KLK2: variants seen among roughly 807,000 people sequenced by gnomAD.
The protein encoded by KLK2 is kallikrein related peptidase 2, also known as kallikrein-2.
In KLK2, 17 loss-of-function variants were observed where a neutral mutation model predicts 23.0. The observed-to-expected ratio is 0.74, with a 90% CI of 0.51 to 1.11. The LOEUF (loss-of-function observed/expected upper bound fraction) is 1.11, where lower values mean the gene tolerates loss of function less well. Ranked by LOEUF, KLK2 falls within the 50% of genes least tolerant of loss-of-function variation. The pLI is 0.00. For synonymous variants in KLK2, 140 were observed against 124.7 expected, an observed-to-expected ratio of 1.12 and a Z score of -0.82; for missense variants, 330 against 325.9, an observed-to-expected ratio of 1.01 and a Z score of -0.10.
At position 50,880,460 on chromosome 19, in the gene KLK2, T is replaced by G. The variant is rs1159495163; in HGVS notation, c.*1901T>G. ...CCAGCTGATAGAGGAAGTAGCCAGGTGGGAGCCTTTCCCAGTGGGTGTGGG... is the reference window on the plus strand; with the variant it reads ...CCAGCTGATAGAGGAAGTAGCCAGGGGGGAGCCTTTCCCAGTGGGTGTGGG... On this transcript the variant is annotated 3_prime_UTR_variant, in exon 5 of 5. Coordinates refer to ENST00000325321, the MANE Select transcript of KLK2 (RefSeq NM_005551.5). The G allele has an allele frequency of 9.1e-6, 2 of 220,482 alleles. No homozygotes were observed. The highest frequency in any genetic ancestry group is 1.8e-5 in the Non-Finnish European group (2 of 110,070). The allele number at this position is 220,482 out of a possible 1,614,324, so 13.7% of individuals were successfully genotyped here.
In KLK2 at chr19:50,876,507, T is replaced by A; in HGVS notation, c.242T>A (p.Phe81Tyr). Residue 81 changes from phenylalanine to tyrosine, a missense_variant, in exon 3 of 5, where the codon TTT (phenylalanine) becomes TAT (tyrosine). Phe to Tyr is a conservative substitution (Grantham distance 22). Transcript: ENST00000325321. ...SQVWLGRHNL[F>Y]EPEDTGQRVP... ...GTCTGGCTGGGTCGGCACAACCTGT[T>A]TGAGCCTGAAGACACAGGCCAGAGG... 6.2e-7 allele frequency: 1 copy of A among 1,614,124 alleles called. No individual in the cohort carries two copies. Among genetic ancestry groups the A allele is most frequent in the Non-Finnish European group, 8.5e-7 (1 of 1,180,012 alleles).
Position 50,876,982 on chromosome 19 carries a change from T to TGGACA in KLK2, c.607_611dup (p.Gly205GlnfsTer89). 1 of 1,614,186 alleles carries TGGACA rather than the reference T, an allele frequency of 6.2e-7. No individual in the cohort carries two copies. On this transcript the variant is annotated frameshift_variant, in exon 4 of 5. Coordinates refer to ENST00000325321, the MANE Select transcript of KLK2 (RefSeq NM_005551.5). LOFTEE classifies it low-confidence loss of function (END_TRUNC). ...AGAGTTCATGTTGTGTGCTGGGCTC[T>TGGACA]GGACAGGTGGTAAAGACACTTGTGG...
intron 2 of KLK2, among the ~76,000 whole-genome samples, chr19:50,875,477 G>A (rs761447166): frequency 4.9e-4 from 75 of 152,204 alleles, no homozygotes; most frequent in Non-Finnish European, 7.1e-4. Context: ...CAATTGAGGA[G>A]GGAGGAAGGA....
chr19:50,876,253 T>C lies in KLK2; in HGVS notation c.207-219T>C, dbSNP rs1235157309. Reference sequence around the variant, plus strand: ...CTCTGCCATTTTATGCTCTCTCTTTTCCACTTCGTTTCTTTCAGTTTCTGT... The same window carrying C: ...CTCTGCCATTTTATGCTCTCTCTTTCCCACTTCGTTTCTTTCAGTTTCTGT... On this transcript the variant is annotated intron_variant, in intron 2 of 4. Coordinates refer to ENST00000325321, the MANE Select transcript of KLK2 (RefSeq NM_005551.5). 1.4e-4 allele frequency: 85 copies of C among 586,570 alleles called. No homozygotes were observed. In the South Asian group the frequency reaches 1.7e-3, roughly 12 times the overall value. The allele number at this position is 586,570 out of a possible 1,614,324, so 36.3% of individuals were successfully genotyped here. A position where few individuals can be genotyped will look rare whatever the true frequency, so the allele number is the denominator to read the frequency against.
chr19:50,873,746 C>T (rs1230147035), intron 1 of KLK2: 6 of 536,546 alleles, frequency 1.1e-5, no homozygotes, highest in African/African-American at 2.0e-5. Context: ...TCCCTGCTCC[C>T]AGCTGCTTTA....
At position 50,880,441 on chromosome 19, in the gene KLK2, G is replaced by C. The variant is rs2090332638; in HGVS notation, c.*1882G>C. On this transcript the variant is annotated 3_prime_UTR_variant, in exon 5 of 5. Transcript: ENST00000325321. ...CTTGTGGAATGCAGCTGACCCAGCT[G>C]ATAGAGGAAGTAGCCAGGTGGGAGC... The C allele has an allele frequency of 4.5e-6, 1 of 220,970 alleles. No homozygotes were observed. The highest frequency in any genetic ancestry group is 2.2e-5 in the African/African-American group (1 of 44,656). 13.7% of individuals were successfully genotyped at this position (220,970 alleles called of 1,614,324 possible).
Position 50,878,630 on chromosome 19 carries a change from T to A in KLK2, c.*71T>A, listed in dbSNP as rs771653557. The A allele has an allele frequency of 5.5e-6, 8 of 1,462,802 alleles. No individual in the cohort carries two copies. The highest frequency in any genetic ancestry group is 7.5e-6 in the Non-Finnish European group (8 of 1,059,604). 90.6% of individuals were successfully genotyped at this position (1,462,802 alleles called of 1,614,324 possible). A position where few individuals can be genotyped will look rare whatever the true frequency, so the allele number is the denominator to read the frequency against. On this transcript the variant is annotated 3_prime_UTR_variant, in exon 5 of 5. Coordinates refer to ENST00000325321, the MANE Select transcript of KLK2 (RefSeq NM_005551.5). ...ACGTTCTGGCATCACTTGGCCTTTC[T>A]GGATGCTGGACACCTGAAGCTTGGA...
intron 4 of KLK2, among the ~76,000 whole-genome samples, chr19:50,878,194 C>T (rs2090308715): frequency 6.6e-6 from 1 of 152,178 alleles, no homozygotes. Context: ...CTGAAGTCCC[C>T]TCCCCATAGG....
chr19:50,876,794 G>C, intron 3 of KLK2, 36 bp downstream of exon 3: 3 of 1,610,690 alleles, frequency 1.9e-6, no homozygotes, highest in Non-Finnish European at 2.5e-6. Flanking sequence ...TGGGAGCCCA[G>C]ATGCCTGGGT....
chr19:50,878,511 G>T lies in KLK2; in HGVS notation c.738G>T (p.Val246=). 6.2e-7 allele frequency: 1 copy of T among 1,614,016 alleles called. No homozygotes were observed. The highest frequency in any genetic ancestry group is 1.3e-5 in the African/African-American group (1 of 74,992). ...LPEKPAVYTK[V]VHYRKWIKDT... is the part of the protein sequence containing the mutation. ...AAAAGCCTGCTGTGTACACCAAGGT[G>T]GTGCATTACCGGAAGTGGATCAAGG... is the stretch of plus-strand genomic sequence containing the variant. Residue 246 remains valine, a synonymous_variant, in exon 5 of 5, where the codon GTG becomes GTT. Coordinates refer to ENST00000325321, the MANE Select transcript of KLK2 (RefSeq NM_005551.5).
At position 50,876,725 on chromosome 19, in the gene KLK2, G is replaced by A. The variant is rs572630957; in HGVS notation, c.460G>A (p.Ala154Thr). The A allele has an allele frequency of 1.9e-4, 306 of 1,614,030 alleles. No homozygotes were observed. Among genetic ancestry groups the A allele is most frequent in the Non-Finnish European group, 2.4e-4 (287 of 1,180,044 alleles). The part of the protein sequence containing the change: ...QEPALGTTCY[A>T]SGWGSIEPEE... Reference sequence around the variant, plus strand: ...GCCAGCACTGGGGACCACCTGCTACGCCTCAGGCTGGGGCAGCATCGAACC... The same window carrying A: ...GCCAGCACTGGGGACCACCTGCTACACCTCAGGCTGGGGCAGCATCGAACC... The change falls in exon 3 of 5, where the codon GCC becomes ACC. Residue 154 changes from alanine (A) to threonine (T), a missense_variant. Ala to Thr is a moderately conservative substitution (Grantham distance 58). Coordinates refer to ENST00000325321, the MANE Select transcript of KLK2 (RefSeq NM_005551.5).
intron 2 of KLK2, among the ~76,000 whole-genome samples, chr19:50,875,281 C>T (rs567906857): frequency 3.3e-5 from 5 of 152,314 alleles, no homozygotes; most frequent in African/African-American, 1.2e-4. Flanking sequence ...TCTGCCTCAG[C>T]CCTTCCTCAT....
intron 2 of KLK2, 73 bp from the exon 3 acceptor site, chr19:50,876,399 C>A: frequency 7.2e-7 from 1 of 1,389,252 alleles, no homozygotes; most frequent in South Asian, 1.2e-5. Flanking sequence ...TTGGAGTCTC[C>A]CTTATCCTCC....
intron 2 of KLK2, chr19:50,875,908 C>T (rs2090282225): frequency 6.2e-6 from 1 of 161,166 alleles, no homozygotes; most frequent in Non-Finnish European, 1.4e-5. Flanking sequence ...CCACCCGCCA[C>T]TACAGAGCCC....
rs1367776952 is a variant in KLK2, at chr19:50,879,795, C to T, written c.*1236C>T. ...GCATGGCCCAAGGCCCCAAGTATAT[C>T]AAGGCACTTGGGCAGAACATGCCAA... On this transcript the variant is annotated 3_prime_UTR_variant, in exon 5 of 5. Coordinates refer to ENST00000325321, the MANE Select transcript of KLK2 (RefSeq NM_005551.5). 2 of 229,958 alleles carry T rather than the reference C, an allele frequency of 8.7e-6. No individual in the cohort carries two copies. The highest frequency in any genetic ancestry group is 1.7e-5 in the Non-Finnish European group (2 of 116,050). The allele number at this position is 229,958 out of a possible 1,614,324, so 14.2% of individuals were successfully genotyped here.
rs1280204384 is a variant in KLK2, at chr19:50,879,494, C to T, written c.*935C>T. ...GGGGGGCATATCTGACAGTTATTCT[C>T]TCCAAGTGGAGACTTACGGACAGCA... On this transcript the variant is annotated 3_prime_UTR_variant, in exon 5 of 5. Transcript: ENST00000325321. 3.0e-5 allele frequency: 7 copies of T among 231,674 alleles called. No homozygotes were observed. Among genetic ancestry groups the T allele is most frequent in the Non-Finnish European group, 4.3e-5 (5 of 117,224 alleles). 14.4% of individuals were successfully genotyped at this position (231,674 alleles called of 1,614,324 possible).
chr19:50,876,978 G>A lies in KLK2; in HGVS notation c.600G>A (p.Gly200=). The A allele has an allele frequency of 1.9e-6, 3 of 1,614,182 alleles. No homozygotes were observed. The highest frequency in any genetic ancestry group is 1.1e-5 in the South Asian group (1 of 91,078). ...EKVTEFMLCA[G]LWTGGKDTCG... is the part of the protein sequence containing the mutation. ...TGACAGAGTTCATGTTGTGTGCTGGGCTCTGGACAGGTGGTAAAGACACTT... is the reference window on the plus strand; with the variant it reads ...TGACAGAGTTCATGTTGTGTGCTGGACTCTGGACAGGTGGTAAAGACACTT... Residue 200 remains glycine (G), a synonymous_variant, in exon 4 of 5, where the codon GGG becomes GGA. Coordinates refer to ENST00000325321, the MANE Select transcript of KLK2 (RefSeq NM_005551.5).
Position 50,873,494 on chromosome 19 carries a change from C to T in KLK2, c.21C>T (p.Ser7=), listed in dbSNP as rs372599210. The T allele has an allele frequency of 6.1e-5, 98 of 1,602,242 alleles. No individual in the cohort carries two copies. The African/African-American group carries it at 1.2e-3, about 20-fold the overall frequency. ...TCAGCATGTGGGACCTGGTTCTCTC[C>T]ATCGCCTTGTCTGTGGGGTGCACTG... MWDLVL[S]IALSVGCTGA... is the part of the protein sequence containing the mutation. Residue 7 remains serine, a synonymous_variant, in exon 1 of 5, where the codon TCC becomes TCT. Transcript: ENST00000325321.
rs969700787 is a variant in KLK2 at position 50,874,764 on chromosome 19, G to A, written c.90G>A (p.Glu30=). The part of the protein sequence containing the change: ...LIQSRIVGGW[E]CEKHSQPWQV... ...AGTCTCGGATTGTGGGAGGCTGGGA[G>A]TGTGAGAAGCATTCCCAACCCTGGC... Residue 30 remains glutamate (E), a synonymous_variant, in exon 2 of 5, where the codon GAG becomes GAA. Transcript: ENST00000325321. 2.5e-6 allele frequency: 4 copies of A among 1,613,246 alleles called. No homozygotes were observed. Among genetic ancestry groups the A allele is most frequent in the Non-Finnish European group, 3.4e-6 (4 of 1,179,848 alleles).
Sources: gnomAD v4.1 joint callset for allele counts (sites outside exome capture counted in the v4.1 genomes callset) on GRCh38, gnomAD v4.1.1 for gene constraint, MANE v1.5 for transcripts, NCBI Gene and HGNC (gene_info 2026-07-23, HGNC 2026-07-21) for gene names.